Variants in ZNF766 observed in about 807,000 individuals in gnomAD.
ZNF766 encodes zinc finger protein 766.
Under a neutral mutation model 13.2 loss-of-function variants are expected in ZNF766, and 13 were observed. The ratio of observed to expected loss-of-function variants is 0.98; its 90% CI spans 0.64 to 1.56. The LOEUF (loss-of-function observed/expected upper bound fraction) is 1.56, where lower values mean the gene tolerates loss of function less well. ZNF766 is among the 40% of genes most tolerant of loss of function. The probability of loss-of-function intolerance (pLI) is 0.00; values close to 1 mark genes in which losing one functional copy is unlikely to be tolerated. For synonymous variants in ZNF766, 178 were observed against 187.6 expected (o/e 0.95, Z 0.42); for missense variants, 521 against 552.2 (o/e 0.94, Z 0.57).
chr19:52,290,459 C>A lies in ZNF766; in HGVS notation c.668C>A (p.Thr223Asn), dbSNP rs1436107424. 10 of 1,613,756 alleles carry A rather than the reference C, an allele frequency of 6.2e-6. No homozygotes were observed. Among genetic ancestry groups the A allele is most frequent in the Non-Finnish European group, 8.5e-6 (10 of 1,179,936 alleles). Residue 223 changes from threonine to asparagine, a missense_variant, in exon 4 of 4, where the codon ACC becomes AAC. Physicochemically the swap from Thr to Asn is moderately conservative, Grantham distance 65. Coordinates refer to ENST00000439461, the MANE Select transcript of ZNF766 (RefSeq NM_001010851.3). ...AACAGATGTCATGAATGTGGTAAAA[C>A]CGTCAGGGACAAGTCAGGCCTCGCA... ...KPNRCHECGK[T>N]VRDKSGLAEH...
At chr19:52,280,678 G>C (rs1395253596) in intron 1 of ZNF766, among the ~76,000 whole-genome samples, 1 of 151,988 alleles carries the variant, frequency 6.6e-6, no homozygotes, top group African/African-American at 2.4e-5. Context: ...CGCCTCCTGG[G>C]TTCAAGCGGT....
At chr19:52,275,222 C>T (rs1981137905) in intron 1 of ZNF766, among the ~76,000 whole-genome samples, 1 of 151,880 alleles carries the variant, frequency 6.6e-6, no homozygotes, top group Non-Finnish European at 1.5e-5. Flanking sequence ...CTGTGCAGGC[C>T]TAGGCTGATG....
At chr19:52,276,853 C>T (rs1981226793) in intron 1 of ZNF766, among the ~76,000 whole-genome samples, 1 of 152,214 alleles carries the variant, frequency 6.6e-6, no homozygotes, top group African/African-American at 2.4e-5. Flanking sequence ...GGGTGCTGTG[C>T]TCTGCATGGG....
chr19:52,283,447 CTTTTT>C (rs527871489), intron 3 of ZNF766, 34 bp downstream of exon 3: 19 of 1,369,070 alleles, frequency 1.4e-5, no homozygotes, highest in Non-Finnish European at 7.7e-6. Flanking sequence ...GAAAGCCACA[CTTTTT>C]TTTTTTTTTT....
chr19:52,273,977 A>G (rs1981083409), intron 1 of ZNF766, among the ~76,000 whole-genome samples: 1 of 152,196 alleles, frequency 6.6e-6, no homozygotes, highest in Non-Finnish European at 1.5e-5. Context: ...GTTTCTCCTT[A>G]TCTGCCAGTG....
chr19:52,283,210 A>ATC (rs1981621610), intron 2 of ZNF766, 75 bp from the exon 3 acceptor site: 1 of 1,525,334 alleles, frequency 6.6e-7, no homozygotes, highest in Admixed American at 2.2e-5. Flanking sequence ...TTTTAATATC[A>ATC]TCTCTGCTGC....
In ZNF766 at chr19:52,294,418, A is replaced by G. The variant is rs1481895972; in HGVS notation, c.*3220A>G. The G allele has an allele frequency of 2.0e-5, 3 of 152,244 alleles. No individual in the cohort carries two copies. The highest frequency in any genetic ancestry group is 7.2e-5 in the African/African-American group (3 of 41,456). 9.4% of individuals were successfully genotyped at this position (152,244 alleles called of 1,614,324 possible). A position where few individuals can be genotyped will look rare whatever the true frequency, so the allele number is the denominator to read the frequency against. On this transcript the variant is annotated 3_prime_UTR_variant, in exon 4 of 4. Transcript: ENST00000439461. ...TTTGGGTATTGAGAATGATGATGCC[A>G]TTCACTAATGTGATCTCAAAATGTT...
chr19:52,290,629 T>G lies in ZNF766; in HGVS notation c.838T>G (p.Phe280Val), dbSNP rs773070989. Residue 280 changes from phenylalanine (F) to valine (V), a missense_variant, in exon 4 of 4, where the codon TTC (phenylalanine) becomes GTC (valine). Transcript: ENST00000439461. ...CAAATGTAATGAGTGTGGCAAGGTC[T>G]TCAGTCGAATTACATACCTTGTACG... ...PYKCNECGKV[F>V]SRITYLVRHQ... 1.9e-6 allele frequency: 3 copies of G among 1,613,996 alleles called. No individual in the cohort carries two copies. In the South Asian group the frequency reaches 3.3e-5, roughly 18 times the overall value.
rs780810600 is a variant in ZNF766 at position 52,290,501 on chromosome 19, G to A, written c.710G>A (p.Arg237His). 15 of 1,613,998 alleles carry A rather than the reference G, an allele frequency of 9.3e-6. No homozygotes were observed. Among genetic ancestry groups the A allele is most frequent in the Middle Eastern group, 1.6e-4 (1 of 6,062 alleles). Reference protein sequence around the residue: ...KSGLAEHWRIRTGEKPYKCKE... With the variant: ...KSGLAEHWRIHTGEKPYKCKE... Reference sequence around the variant, plus strand: ...GGCCTCGCAGAACATTGGAGAATTCGTACAGGAGAGAAACCTTACAAATGT... The same window carrying A: ...GGCCTCGCAGAACATTGGAGAATTCATACAGGAGAGAAACCTTACAAATGT... Residue 237 changes from arginine to histidine, a missense_variant, in exon 4 of 4, where the codon CGT becomes CAT. Coordinates refer to ENST00000439461, the MANE Select transcript of ZNF766 (RefSeq NM_001010851.3).
chr19:52,278,924 G>A (rs1981347188), intron 1 of ZNF766, among the ~76,000 whole-genome samples: 1 of 152,182 alleles, frequency 6.6e-6, no homozygotes, highest in South Asian at 2.1e-4. Context: ...ATTGCTTTTG[G>A]TGTCTTTGTC....
chr19:52,282,535 C>T, intron 2 of ZNF766: 3 of 199,464 alleles, frequency 1.5e-5, no homozygotes, highest in South Asian at 1.7e-4. Context: ...ACACGGGAGG[C>T]TGAGGCAAGA....
chr19:52,278,362 G>T (rs1981320228), intron 1 of ZNF766, among the ~76,000 whole-genome samples: 1 of 152,072 alleles, frequency 6.6e-6, no homozygotes, highest in Non-Finnish European at 1.5e-5. Context: ...CTACATGTAT[G>T]TCTACTTTTG....
At chr19:52,270,547 C>T (rs186213453) in intron 1 of ZNF766, among the ~76,000 whole-genome samples, 18 of 151,936 alleles carry the variant, frequency 1.2e-4, no homozygotes, top group African/African-American at 4.1e-4. Flanking sequence ...GACCGAGCAG[C>T]GTGGTGCTGG....
chr19:52,289,008 C>A (rs1052574466), intron 3 of ZNF766, among the ~76,000 whole-genome samples: 5 of 151,714 alleles, frequency 3.3e-5, no homozygotes, highest in Non-Finnish European at 1.5e-5. Context: ...GCCACCACAC[C>A]TGGCTAATTT....
chr19:52,278,785 G>A (rs1195036950), intron 1 of ZNF766, among the ~76,000 whole-genome samples: 1 of 152,168 alleles, frequency 6.6e-6, no homozygotes, highest in Non-Finnish European at 1.5e-5. Context: ...ACCTTTGTTA[G>A]ATGCATAGTT....
chr19:52,282,370 TCA>T, intron 2 of ZNF766, 133 bp downstream of exon 2: 1 of 1,129,230 alleles, frequency 8.9e-7, no homozygotes, highest in Non-Finnish European at 1.2e-6. Flanking sequence ...GCACGGTGGC[TCA>T]TGCCTGTAAT....
intron 3 of ZNF766, among the ~76,000 whole-genome samples, chr19:52,289,541 C>T (rs895544415): frequency 2.0e-5 from 3 of 152,172 alleles, no homozygotes; most frequent in African/African-American, 7.2e-5. Context: ...TACTCATAAT[C>T]CCTCTCAAAC....
chr19:52,283,481 C>A, intron 3 of ZNF766, 68 bp downstream of exon 3: 1 of 1,482,182 alleles, frequency 6.7e-7, no homozygotes, highest in Non-Finnish European at 9.0e-7. Flanking sequence ...TCTCTGTTCC[C>A]CACACTGGAG....
At position 52,271,980 on chromosome 19, in the gene ZNF766, CAAA is replaced by C. The variant is rs371229113; in HGVS notation, c.18+2368_18+2370del. ...CTGGGTGACAAGAGTGAGACTGTCT[CAAA>C]AAAAAAAAAAAAAAAAAAGCACAGA... On this transcript the variant is annotated intron_variant, in intron 1 of 3. Transcript: ENST00000439461. 3.9e-3 allele frequency among the ~76,000 whole-genome samples: 345 copies of C among 89,138 alleles called. 2 individuals are homozygous for C. Among genetic ancestry groups the C allele is most frequent in the African/African-American group, 0.013 (306 of 23,274 alleles). 58.5% of individuals were successfully genotyped at this position (89,138 alleles called of 152,430 possible). A position where few individuals can be genotyped will look rare whatever the true frequency, so the allele number is the denominator to read the frequency against.
Sources: allele counts gnomAD v4.1 joint callset (sites outside exome capture counted in the v4.1 genomes callset), GRCh38; gene constraint gnomAD v4.1.1; transcripts MANE v1.5; gene names NCBI Gene and HGNC (gene_info 2026-07-23, HGNC 2026-07-21).